Variants in FMN2 observed in about 807,000 individuals in gnomAD.
The protein encoded by FMN2 is formin 2, also known as formin-2.
In FMN2, 51 loss-of-function variants were observed where a neutral mutation model predicts 142.3. The observed-to-expected ratio is 0.36, with a 90% confidence interval of 0.29 to 0.45. FMN2 has a LOEUF of 0.45. FMN2 is among the 20% of genes least tolerant of loss of function. The probability of loss-of-function intolerance (pLI) is 1.00; values close to 1 mark genes in which losing one functional copy is unlikely to be tolerated. For missense variants in FMN2, 1,936 were observed against 2,122.8 expected, an observed-to-expected ratio of 0.91 and a Z score of 1.73; for synonymous variants, 882 against 869.8, an observed-to-expected ratio of 1.01 and a Z score of -0.25.
chr1:240,385,961 C>T (rs912768122), intron 14 of FMN2, among the ~76,000 whole-genome samples: 3 of 152,176 alleles, frequency 2.0e-5, no homozygotes, highest in Non-Finnish European at 4.4e-5. Flanking sequence ...TTGCAAAAGT[C>T]AGGTTGACAT....
At chr1:240,245,592 T>C (rs1244163036) in intron 6 of FMN2, 1 of 471,100 alleles carries the variant, frequency 2.1e-6, no homozygotes, top group Non-Finnish European at 4.4e-6. Context: ...TTTATGGTTT[T>C]CCGTGCATTT....
chr1:240,208,408 C>G lies in FMN2; in HGVS notation c.3596C>G (p.Pro1199Arg), dbSNP rs781285716. 1 of 1,588,480 alleles carries G rather than the reference C, an allele frequency of 6.3e-7. No homozygotes were observed. The highest frequency in any genetic ancestry group is 8.6e-7 in the Non-Finnish European group (1 of 1,159,916). The change falls in exon 5 of 18, where the codon CCC becomes CGC. Residue 1199 changes from proline to arginine, a missense_variant. Around this residue, in one of 8 missense-constraint regions of FMN2, gnomAD observed 259 missense variants for 230.9 expected, o/e 1.12. Transcript: ENST00000319653. ...CCTGGAGTGGGAATACCTCCTCCGC[C>G]CCCTCTACCTGGTGCTGGGATTCCC... ...PLPGVGIPPP[P>R]PLPGAGIPPP...
In FMN2 at chr1:240,207,593, C is replaced by A. The variant is rs1163533476; in HGVS notation, c.2781C>A (p.Pro927=). The stretch of plus-strand genomic sequence containing the variant: ...GCATACCTCCTCCGCCGCCTCTACC[C>A]GGAGCAGGCATACTCCCTCTGCCCC... ...GAGIPPPPPL[P]GAGILPLPPL... is the part of the protein sequence containing the mutation. Residue 927 remains proline (P), a synonymous_variant, in exon 5 of 18, where the codon CCC becomes CCA. Transcript: ENST00000319653. The A allele has an allele frequency of 6.3e-7, 1 of 1,590,982 alleles. No individual in the cohort carries two copies. The highest frequency in any genetic ancestry group is 1.4e-5 in the African/African-American group (1 of 73,154).
At chr1:240,426,811 C>T (rs1015395262) in intron 15 of FMN2, among the ~76,000 whole-genome samples, 2 of 152,180 alleles carry the variant, frequency 1.3e-5, no homozygotes, top group Non-Finnish European at 2.9e-5. Flanking sequence ...TCTTGGCTCA[C>T]TGCATCCTCC....
chr1:240,392,648 T>C, intron 15 of FMN2, 86 bp downstream of exon 15: 1 of 1,103,096 alleles, frequency 9.1e-7, no homozygotes, highest in South Asian at 1.6e-5. Context: ...TTAGTTCAAT[T>C]TTAATTTTCA....
At chr1:240,335,279 C>T (rs2103021300) in intron 13 of FMN2, among the ~76,000 whole-genome samples, 1 of 152,198 alleles carries the variant, frequency 6.6e-6, no homozygotes, top group African/African-American at 2.4e-5. Context: ...TTACATGTAC[C>T]CTGTTGGAGC....
rs111646630 is a variant in FMN2, at chr1:240,133,343, A to T, written c.1782+9998A>T. On this transcript the variant is annotated intron_variant, in intron 2 of 17. Coordinates refer to ENST00000319653, the MANE Select transcript of FMN2 (RefSeq NM_020066.5). ...CACCATGACCAGCTAATTAAAAAAA[A>T]TTTTTTTAATAGAGGTGGGGTCTCC... Among the ~76,000 whole-genome samples the T allele has an allele frequency of 5.3e-4, 81 of 152,054 alleles. 1 individual carries two copies. Among genetic ancestry groups the T allele is most frequent in the South Asian group, 2.5e-3 (12 of 4,800 alleles).
chr1:240,135,322 CATATAA>C (rs565050851), intron 2 of FMN2, among the ~76,000 whole-genome samples: 316 of 152,272 alleles, frequency 2.1e-3, no homozygotes, highest in African/African-American at 6.2e-3. Flanking sequence ...ACAGTCAATA[CATATAA>C]ATAGGAAGAA....
At chr1:240,221,995 C>T (rs1667134177) in intron 6 of FMN2, among the ~76,000 whole-genome samples, 1 of 149,934 alleles carries the variant, frequency 6.7e-6, no homozygotes, top group Non-Finnish European at 1.5e-5. Flanking sequence ...TTATAGGTGC[C>T]CACCAACACA....
chr1:240,266,235 C>A (rs1335574412), intron 7 of FMN2, among the ~76,000 whole-genome samples: 1 of 151,740 alleles, frequency 6.6e-6, no homozygotes, highest in Non-Finnish European at 1.5e-5. Context: ...ATCTTTATGT[C>A]CATGTGTACC....
rs1431939760 is a variant in FMN2, at chr1:240,210,949, A to T, written c.3921-142A>T. The T allele has an allele frequency of 4.6e-6, 3 of 656,512 alleles. No individual in the cohort carries two copies. The African/African-American group carries it at 5.6e-5, about 12-fold the overall frequency. The allele number at this position is 656,512 out of a possible 1,614,324, so 40.7% of individuals were successfully genotyped here. ...AATGGTGGTCTTAAAGAAAAAGAAT[A>T]TTTTTTCCTTCTTATCTCTCTTCTT... On this transcript the variant is annotated intron_variant, in intron 5 of 17. Coordinates refer to ENST00000319653, the MANE Select transcript of FMN2 (RefSeq NM_020066.5).
chr1:240,395,425 A>C (rs1401760182), intron 15 of FMN2, among the ~76,000 whole-genome samples: 1 of 152,210 alleles, frequency 6.6e-6, no homozygotes, highest in Non-Finnish European at 1.5e-5. Flanking sequence ...GTAAGGCTAT[A>C]GCTGCCATAG....
At chr1:240,286,731 C>T (rs558223365) in intron 7 of FMN2, among the ~76,000 whole-genome samples, 5 of 152,236 alleles carry the variant, frequency 3.3e-5, no homozygotes, top group African/African-American at 4.8e-5. Flanking sequence ...CCCAGCAGTA[C>T]GTATTAATAC....
chr1:240,303,648 G>A (rs1034123413), intron 8 of FMN2, among the ~76,000 whole-genome samples: 4 of 151,960 alleles, frequency 2.6e-5, no homozygotes. Context: ...AGGGCTCTTT[G>A]GATTAACATC....
rs780244531 is a variant in FMN2, at chr1:240,207,450, C to T, written c.2638C>T (p.Pro880Ser). The T allele has an allele frequency of 1.3e-5, 21 of 1,613,434 alleles. No individual in the cohort carries two copies. In the East Asian group the frequency reaches 3.1e-4, roughly 24 times the overall value. Residue 880 changes from proline (P) to serine (S), a missense_variant, in exon 5 of 18, where the codon CCT becomes TCT. Coordinates refer to ENST00000319653, the MANE Select transcript of FMN2 (RefSeq NM_020066.5). ...MPGLGMVPPP[P>S]PPLPGMTVPT... ...TGGCCTGGGCATGGTGCCTCCCCCA[C>T]CTCCCCCTCTCCCTGGCATGACAGT...
intron 7 of FMN2, among the ~76,000 whole-genome samples, chr1:240,271,915 CT>C (rs1264272446): frequency 6.6e-6 from 1 of 152,032 alleles, no homozygotes; most frequent in African/African-American, 2.4e-5. Context: ...CAGCAAAAAA[CT>C]TGGGTTGAGC....
At chr1:240,355,469 A>G (rs1231839117) in intron 13 of FMN2, among the ~76,000 whole-genome samples, 1 of 152,218 alleles carries the variant, frequency 6.6e-6, no homozygotes, top group African/African-American at 2.4e-5. Flanking sequence ...GTCTCTTCAC[A>G]GATCTGATCC....
chr1:240,267,812 A>G (rs1668869656), intron 7 of FMN2, among the ~76,000 whole-genome samples: 2 of 152,090 alleles, frequency 1.3e-5, no homozygotes, highest in Admixed American at 1.3e-4. Context: ...TGAGCTATAC[A>G]TACATTTAAT....
intron 14 of FMN2, among the ~76,000 whole-genome samples, chr1:240,377,048 AG>A (rs970082695): frequency 5.5e-4 from 83 of 152,290 alleles, no homozygotes; most frequent in African/African-American, 1.9e-3. Flanking sequence ...CTTGCATTTA[AG>A]TCATTATCTT....
Sources: allele counts gnomAD v4.1 joint callset (sites outside exome capture counted in the v4.1 genomes callset), GRCh38; gene constraint gnomAD v4.1.1; regional missense constraint gnomAD v4.1.1; transcripts MANE v1.5; gene names NCBI Gene and HGNC (gene_info 2026-07-23, HGNC 2026-07-21).